The following MEDAG variants were observed in gnomAD, a reference collection of about 807,000 sequenced individuals.
The protein encoded by MEDAG is mesenteric estrogen dependent adipogenesis.
In MEDAG, 25 loss-of-function variants were observed where a neutral mutation model predicts 29.9. The ratio of observed to expected loss-of-function variants is 0.84; its 90% CI spans 0.61 to 1.17. MEDAG has a LOEUF of 1.17. Among genes scored for constraint, MEDAG ranks in the 50% most tolerant of loss-of-function variants. The probability of loss-of-function intolerance (pLI) is 0.00; values close to 1 mark genes in which losing one functional copy is unlikely to be tolerated. For synonymous variants in MEDAG, 158 were observed against 148.2 expected (o/e 1.07, Z -0.48); for missense variants, 398 against 372.9 (o/e 1.07, Z -0.56).
In MEDAG at chr13:30,925,356, CATGA is replaced by C. The variant is rs1167226790; in HGVS notation, c.*928_*931del. 3.3e-5 allele frequency: 5 copies of C among 152,180 alleles called. No individual in the cohort carries two copies. The highest frequency in any genetic ancestry group is 5.9e-5 in the Non-Finnish European group (4 of 68,026). The allele number at this position is 152,180 out of a possible 1,614,324, so 9.4% of individuals were successfully genotyped here. A position where few individuals can be genotyped will look rare whatever the true frequency, so the allele number is the denominator to read the frequency against. The stretch of plus-strand genomic sequence containing the variant: ...AATCCTATCTACATATAAAAACCTG[CATGA>C]ATGAATCACTACATATGCTTATAAT... On this transcript the variant is annotated 3_prime_UTR_variant, in exon 5 of 5. Transcript: ENST00000380482.
Position 30,922,590 on chromosome 13 carries a change from C to T in MEDAG, c.787+744C>T, listed in dbSNP as rs146734985. ...CTTTATAGTATTTGGAAGGGTTCTC[C>T]AGATTTGGACAGAGCACAAAAGAAT... On this transcript the variant is annotated intron_variant, in intron 4 of 4. Coordinates refer to ENST00000380482, the MANE Select transcript of MEDAG (RefSeq NM_032849.4). 1.1e-4 allele frequency: 16 copies of T among 152,194 alleles called. No homozygotes were observed. The East Asian group carries it at 3.1e-3, about 30-fold the overall frequency. 9.4% of individuals were successfully genotyped at this position (152,194 alleles called of 1,614,324 possible). A position where few individuals can be genotyped will look rare whatever the true frequency, so the allele number is the denominator to read the frequency against.
At chr13:30,918,476 G>A (rs973564432) in intron 2 of MEDAG, among the ~76,000 whole-genome samples, 1 of 152,120 alleles carries the variant, frequency 6.6e-6, no homozygotes, top group Non-Finnish European at 1.5e-5. Context: ...CCATGATGTT[G>A]GAATGTCATG....
intron 1 of MEDAG, among the ~76,000 whole-genome samples, chr13:30,915,376 G>T (rs966624078): frequency 6.6e-6 from 1 of 152,142 alleles, no homozygotes; most frequent in Non-Finnish European, 1.5e-5. Flanking sequence ...GCACAGGGGC[G>T]CCCTGCACTG....
In MEDAG at chr13:30,906,463, G is replaced by A. The variant is rs1002779302; in HGVS notation, c.-53G>A. 2.3e-5 allele frequency: 32 copies of A among 1,405,906 alleles called. No individual in the cohort carries two copies. Among genetic ancestry groups the A allele is most frequent in the Non-Finnish European group, 2.8e-5 (30 of 1,085,066 alleles). The allele number at this position is 1,405,906 out of a possible 1,614,324, so 87.1% of individuals were successfully genotyped here. Reference sequence around the variant, plus strand: ...CCTGGGGACCATCAGGTGCCGGCTGGGGGCTGTAGGCACCGGACGGAAGCA... The same window carrying A: ...CCTGGGGACCATCAGGTGCCGGCTGAGGGCTGTAGGCACCGGACGGAAGCA... On this transcript the variant is annotated 5_prime_UTR_variant, in exon 1 of 5. Transcript: ENST00000380482.
intron 2 of MEDAG, among the ~76,000 whole-genome samples, chr13:30,920,142 G>T (rs954979414): frequency 2.6e-5 from 4 of 152,166 alleles, no homozygotes; most frequent in Admixed American, 2.6e-4. Context: ...CTAGCCATTT[G>T]TCAGAATGTC....
chr13:30,920,511 C>T (rs553504181), intron 2 of MEDAG, among the ~76,000 whole-genome samples: 1 of 152,020 alleles, frequency 6.6e-6, no homozygotes, highest in South Asian at 2.1e-4. Context: ...ATCACTTGAG[C>T]CCAGGAGGTT....
Position 30,924,534 on chromosome 13 carries a change from G to A in MEDAG, c.*99G>A. The stretch of plus-strand genomic sequence containing the variant: ...AGGTGGGAGGCAGATACTTCCACCT[G>A]CGTGTCAATCTCCGGCTCCTCCATG... On this transcript the variant is annotated 3_prime_UTR_variant, in exon 5 of 5. Transcript: ENST00000380482. The A allele has an allele frequency of 7.9e-7, 1 of 1,263,516 alleles. No homozygotes were observed. The highest frequency in any genetic ancestry group is 1.1e-6 in the Non-Finnish European group (1 of 918,914). The allele number at this position is 1,263,516 out of a possible 1,614,324, so 78.3% of individuals were successfully genotyped here.
At chr13:30,908,831 A>G (rs2138114179) in intron 1 of MEDAG, 1 of 152,474 alleles carries the variant, frequency 6.6e-6, no homozygotes, top group East Asian at 1.9e-4. Flanking sequence ...CATGCTTCCA[A>G]AGATCTCAGG....
Position 30,925,140 on chromosome 13 carries a change from C to A in MEDAG, c.*705C>A, listed in dbSNP as rs963619607. On this transcript the variant is annotated 3_prime_UTR_variant, in exon 5 of 5. Transcript: ENST00000380482. ...AGAAGGAAGCCAGGAGATATGGTAC[C>A]GAACAATGACAGGGGAAGGGTATTG... 6.6e-6 allele frequency: 1 copy of A among 152,080 alleles called. No individual in the cohort carries two copies. The highest frequency in any genetic ancestry group is 2.4e-5 in the African/African-American group (1 of 41,402). The allele number at this position is 152,080 out of a possible 1,614,324, so 9.4% of individuals were successfully genotyped here.
chr13:30,918,842 A>T (rs1952954948), intron 2 of MEDAG, among the ~76,000 whole-genome samples: 1 of 152,218 alleles, frequency 6.6e-6, no homozygotes, highest in Admixed American at 6.5e-5. Context: ...AATGCCCAGT[A>T]ACAAGAAGTG....
At position 30,924,379 on chromosome 13, in the gene MEDAG, G is replaced by T. The variant is rs776243503; in HGVS notation, c.856G>T (p.Glu286Ter). Residue 286 changes from glutamate to a stop codon, truncating the protein, a stop_gained, in exon 5 of 5, where the codon GAA (glutamate) becomes TAA (stop). Transcript: ENST00000380482. LOFTEE classifies it high-confidence loss of function. ...ATCTCTGACAGAGCCTCTTTTGGCA[G>T]AATTACCATTTCCAAGTGTTCTGGA... ...RSSLTEPLLA[E>*]LPFPSVLESE... 21 of 1,614,074 alleles carry T rather than the reference G, an allele frequency of 1.3e-5. No individual in the cohort carries two copies. In the South Asian group the frequency reaches 2.1e-4, roughly 16 times the overall value.
Position 30,921,574 on chromosome 13 carries a change from A to G in MEDAG, c.515A>G (p.Glu172Gly). The change falls in exon 4 of 5, where the codon GAG becomes GGG. Residue 172 changes from glutamate (E) to glycine (G), a missense_variant. Coordinates refer to ENST00000380482, the MANE Select transcript of MEDAG (RefSeq NM_032849.4). Reference protein sequence around the residue: ...ESYRLQFDFQEAVKNFFPPGN... With the variant: ...ESYRLQFDFQGAVKNFFPPGN... ...TCTCTCTTTCAGTTTGATTTTCAAG[A>G]GGCAGTGAAGAATTTCTTCCCCCCA... The G allele has an allele frequency of 1.2e-6, 2 of 1,604,942 alleles. No individual in the cohort carries two copies. The highest frequency in any genetic ancestry group is 1.7e-6 in the Non-Finnish European group (2 of 1,176,914).
intron 1 of MEDAG, among the ~76,000 whole-genome samples, chr13:30,909,868 T>C (rs1952865079): frequency 6.6e-6 from 1 of 152,218 alleles, no homozygotes; most frequent in African/African-American, 2.4e-5. Context: ...TTAGCAGCCC[T>C]ACTTAGGTTC....
At position 30,906,723 on chromosome 13, in the gene MEDAG, T is replaced by C; in HGVS notation, c.208T>C (p.Phe70Leu). Residue 70 changes from phenylalanine (F) to leucine (L), a missense_variant, in exon 1 of 5, where the codon TTC becomes CTC. Transcript: ENST00000380482. ...GGAGCCGGCGGCGGCGCGGGGGGGCTTCAACGTCTTCGGTGACGGCCTCGT... is the reference window on the plus strand; with the variant it reads ...GGAGCCGGCGGCGGCGCGGGGGGGCCTCAACGTCTTCGGTGACGGCCTCGT... ...PGEPAAARGG[F>L]NVFGDGLVRL... 1 of 1,516,904 alleles carries C rather than the reference T, an allele frequency of 6.6e-7. No individual in the cohort carries two copies. Among genetic ancestry groups the C allele is most frequent in the Non-Finnish European group, 8.8e-7 (1 of 1,141,634 alleles). The allele number at this position is 1,516,904 out of a possible 1,614,324, so 94.0% of individuals were successfully genotyped here.
In MEDAG at chr13:30,919,466, T is replaced by C. The variant is rs527376785; in HGVS notation, c.389-1548T>C. ...AACTGTGGAGTGTTGTGGCCATGAG[T>C]ATATAATGACCCCAGAGGTGTTGGT... On this transcript the variant is annotated intron_variant, in intron 2 of 4. Transcript: ENST00000380482. 3.3e-5 allele frequency among the ~76,000 whole-genome samples: 5 copies of C among 152,212 alleles called. No individual in the cohort carries two copies. In the East Asian group the frequency reaches 7.7e-4, roughly 24 times the overall value.
chr13:30,915,222 C>A (rs780399743), intron 1 of MEDAG, among the ~76,000 whole-genome samples: 2 of 152,190 alleles, frequency 1.3e-5, no homozygotes, highest in Admixed American at 6.5e-5. Flanking sequence ...GCCACTCTTA[C>A]CTGCCTGCCT....
intron 1 of MEDAG, among the ~76,000 whole-genome samples, chr13:30,908,563 CT>C (rs1161713369): frequency 6.6e-6 from 1 of 152,104 alleles, no homozygotes; most frequent in Non-Finnish European, 1.5e-5. Context: ...AGGTTCTGCC[CT>C]CGGGAATCAG....
intron 2 of MEDAG, among the ~76,000 whole-genome samples, chr13:30,918,058 A>AC (rs1326365283): frequency 2.6e-5 from 4 of 151,654 alleles, no homozygotes; most frequent in African/African-American, 9.7e-5. Flanking sequence ...TGCAGAACAA[A>AC]CCCCTCAATG....
rs1204564443 is a variant in MEDAG at position 30,924,480 on chromosome 13, G to A, written c.*45G>A. Reference sequence around the variant, plus strand: ...AGTTGCTCCCGCACTCCAGGCCTGTGCTAGACTATAGGCTGGGGGGAGGGT... The same window carrying A: ...AGTTGCTCCCGCACTCCAGGCCTGTACTAGACTATAGGCTGGGGGGAGGGT... On this transcript the variant is annotated 3_prime_UTR_variant, in exon 5 of 5. Transcript: ENST00000380482. 1 of 1,590,358 alleles carries A rather than the reference G, an allele frequency of 6.3e-7. No homozygotes were observed. Among genetic ancestry groups the A allele is most frequent in the Admixed American group, 1.7e-5 (1 of 57,650 alleles).
Sources: gnomAD v4.1 joint callset for allele counts (sites outside exome capture counted in the v4.1 genomes callset) on GRCh38, gnomAD v4.1.1 for gene constraint, MANE v1.5 for transcripts, NCBI Gene and HGNC (gene_info 2026-07-23, HGNC 2026-07-21) for gene names.